The following IQSEC3 variants were observed in gnomAD, a reference collection of about 807,000 sequenced individuals.
The protein encoded by IQSEC3 is IQ motif and SEC7 domain-containing protein 3.
Under a neutral mutation model 105.4 loss-of-function variants are expected in IQSEC3, and 50 were observed. The observed-to-expected ratio is 0.47, with a 90% CI of 0.38 to 0.60. The LOEUF (loss-of-function observed/expected upper bound fraction) is 0.60. Ranked by LOEUF, IQSEC3 falls within the 20% of genes least tolerant of loss-of-function variation. IQSEC3 has a pLI of 0.00. For synonymous variants in IQSEC3, 708 were observed against 746.0 expected, an observed-to-expected ratio of 0.95 and a Z score of 0.83; for missense variants, 1,415 against 1,630.0, an observed-to-expected ratio of 0.87 and a Z score of 2.27.
intron 3 of IQSEC3, 69 bp downstream of exon 3, chr12:125,981 A>G: frequency 1.4e-6 from 2 of 1,433,136 alleles, no homozygotes; most frequent in Admixed American, 2.2e-5. Flanking sequence ...TGTCGAGGGT[A>G]CCAGGGATAT....
intron 7 of IQSEC3, among the ~76,000 whole-genome samples, chr12:159,218 C>A (rs1555095458): frequency 6.6e-6 from 1 of 152,200 alleles, no homozygotes; most frequent in East Asian, 1.9e-4. Context: ...ATTCAGCCCC[C>A]ACTTCCCACC....
At chr12:141,574 C>G (rs942670653) in intron 5 of IQSEC3, 9 of 374,464 alleles carry the variant, frequency 2.4e-5, no homozygotes, top group Middle Eastern at 1.4e-3. Flanking sequence ...CTGTCACTCT[C>G]CAGGGCAAGA....
chr12:113,320 G>C (rs781901373), intron 2 of IQSEC3, among the ~76,000 whole-genome samples: 20 of 152,226 alleles, frequency 1.3e-4, no homozygotes, highest in Non-Finnish European at 2.8e-4. Context: ...AGAAGGGCAA[G>C]AATCACTGTG....
intron 3 of IQSEC3, among the ~76,000 whole-genome samples, chr12:129,481 T>C (rs1865520415): frequency 1.3e-5 from 2 of 152,068 alleles, no homozygotes; most frequent in South Asian, 4.1e-4. Context: ...ACGGTCCTCC[T>C]GCCAGCTCTT....
intron 3 of IQSEC3, among the ~76,000 whole-genome samples, chr12:132,106 C>G (rs926778545): frequency 5.9e-5 from 9 of 152,126 alleles, no homozygotes; most frequent in Non-Finnish European, 1.2e-4. Flanking sequence ...GAGACCCCGT[C>G]TGTTCGGGGC....
intron 11 of IQSEC3, among the ~76,000 whole-genome samples, chr12:168,656 C>T (rs1212467740): frequency 3.3e-5 from 5 of 152,150 alleles, no homozygotes; most frequent in Admixed American, 6.5e-5. Flanking sequence ...GCCTGGCTGT[C>T]CTCTCGAGTG....
At chr12:105,168 C>A (rs1319830929) in intron 2 of IQSEC3, among the ~76,000 whole-genome samples, 1 of 152,258 alleles carries the variant, frequency 6.6e-6, no homozygotes, top group African/African-American at 2.4e-5. Context: ...CTCTGCCTCC[C>A]GCCCCAGGAA....
chr12:141,192 C>T lies in IQSEC3; in HGVS notation c.2060C>T (p.Ala687Val). The T allele has an allele frequency of 6.2e-7, 1 of 1,613,404 alleles. No individual in the cohort carries two copies. ...GFIPDTPIGV[A>V]HFLLQRKGLS... ...ATCCCGGACACCCCCATCGGTGTGG[C>T]CCATTTCCTCCTCCAGCGAAAGGGC... Residue 687 changes from alanine to valine, a missense_variant, in exon 5 of 14, where the codon GCC (alanine) becomes GTC (valine). Coordinates refer to ENST00000538872, the MANE Select transcript of IQSEC3 (RefSeq NM_001170738.2).
At chr12:171,991 CCT>C (rs1263971784) in intron 13 of IQSEC3, among the ~76,000 whole-genome samples, 1 of 152,096 alleles carries the variant, frequency 6.6e-6, no homozygotes, top group African/African-American at 2.4e-5. Context: ...GAGCCCCACC[CCT>C]CTCCCACTGG....
chr12:175,114 T>A lies in IQSEC3; in HGVS notation c.*81T>A. 9.3e-7 allele frequency: 1 copy of A among 1,070,374 alleles called. No individual in the cohort carries two copies. Among genetic ancestry groups the A allele is most frequent in the Non-Finnish European group, 1.3e-6 (1 of 767,272 alleles). 66.3% of individuals were successfully genotyped at this position (1,070,374 alleles called of 1,614,324 possible). ...TGCCCCTCCACTGCTCCCCATACCC[T>A]GGCACGATGCGTTCCTGGTCACTGA... On this transcript the variant is annotated 3_prime_UTR_variant, in exon 14 of 14. Coordinates refer to ENST00000538872, the MANE Select transcript of IQSEC3 (RefSeq NM_001170738.2).
intron 1 of IQSEC3, among the ~76,000 whole-genome samples, chr12:91,676 G>T (rs1287186585): frequency 6.6e-6 from 1 of 152,198 alleles, no homozygotes; most frequent in Non-Finnish European, 1.5e-5. Context: ...CTACTTGGGA[G>T]CATTGCTTGA....
intron 5 of IQSEC3, among the ~76,000 whole-genome samples, chr12:147,407 T>C (rs1386875854): frequency 1.3e-5 from 2 of 152,166 alleles, no homozygotes; most frequent in Non-Finnish European, 2.9e-5. Flanking sequence ...TGCTAATCTG[T>C]ACCCAATGAA....
intron 2 of IQSEC3, among the ~76,000 whole-genome samples, 161 bp from the exon 3 acceptor site, chr12:125,472 C>T (rs1477592706): frequency 6.6e-6 from 1 of 152,158 alleles, no homozygotes. Flanking sequence ...TCATCCCTGC[C>T]ATGGTAGCCC....
Position 163,487 on chromosome 12 carries a change from C to T in IQSEC3, c.2584-7C>T, listed in dbSNP as rs369141399. ...TCTCTCCCGCTGAGCGCCCTGCCCG[C>T]GTGCAGGTGCTGTCCGTGCCCCACC... On this transcript the variant is annotated splice_region_variant and splice_polypyrimidine_tract_variant and intron_variant, in intron 8 of 13. Coordinates refer to ENST00000538872, the MANE Select transcript of IQSEC3 (RefSeq NM_001170738.2). 3.8e-6 allele frequency: 6 copies of T among 1,598,228 alleles called. No individual in the cohort carries two copies. Among genetic ancestry groups the T allele is most frequent in the Admixed American group, 1.7e-5 (1 of 59,462 alleles).
chr12:138,953 C>G lies in IQSEC3; in HGVS notation c.1590C>G (p.Gly530=). 6.4e-7 allele frequency: 1 copy of G among 1,571,462 alleles called. No individual in the cohort carries two copies. The highest frequency in any genetic ancestry group is 1.1e-5 in the South Asian group (1 of 87,042). Residue 530 remains glycine (G), a synonymous_variant, in exon 4 of 14, where the codon GGC becomes GGG. Coordinates refer to ENST00000538872, the MANE Select transcript of IQSEC3 (RefSeq NM_001170738.2). This position sits in a 1 kb window ranked among gnomAD's most constrained non-coding sequence, Gnocchi z 7.1. Reference sequence around the variant, plus strand: ...CCGCGGCGGGCAAGGCCGAGCAGGGCGAGACCTCTGGGCGGGAGGCCCCGG... The same window carrying G: ...CCGCGGCGGGCAAGGCCGAGCAGGGGGAGACCTCTGGGCGGGAGGCCCCGG... ...AEPAAGKAEQ[G]ETSGREAPEA... is the part of the protein sequence containing the mutation.
rs12319779 is a variant in IQSEC3, at chr12:131,465, C to T, written c.903+5553C>T. Reference sequence around the variant, plus strand: ...TGTCATGGATGGAGCTGACCTGGGCCATTACTGAGTCCCCAGGTCCTGCCA... The same window carrying T: ...TGTCATGGATGGAGCTGACCTGGGCTATTACTGAGTCCCCAGGTCCTGCCA... On this transcript the variant is annotated intron_variant, in intron 3 of 13. Transcript: ENST00000538872. Among the ~76,000 whole-genome samples the T allele has an allele frequency of 6.2e-3, 948 of 152,284 alleles. 11 individuals carry two copies. The highest frequency in any genetic ancestry group is 0.021 in the African/African-American group (871 of 41,562).
chr12:165,027 G>A (rs1264474756), intron 9 of IQSEC3, among the ~76,000 whole-genome samples: 1 of 152,244 alleles, frequency 6.6e-6, no homozygotes, highest in Non-Finnish European at 1.5e-5. Context: ...CTTAAGTAAT[G>A]AGAGTAATGC....
rs781955337 is a variant in IQSEC3 at position 163,478 on chromosome 12, C to T, written c.2584-16C>T. 28 of 1,593,488 alleles carry T rather than the reference C, an allele frequency of 1.8e-5. No individual in the cohort carries two copies. The highest frequency in any genetic ancestry group is 1.7e-4 in the Admixed American group (10 of 59,244). ...GGCCTCTGGTCTCTCCCGCTGAGCG[C>T]CCTGCCCGCGTGCAGGTGCTGTCCG... On this transcript the variant is annotated splice_polypyrimidine_tract_variant and intron_variant, in intron 8 of 13. Transcript: ENST00000538872.
intron 8 of IQSEC3, among the ~76,000 whole-genome samples, chr12:163,091 G>C (rs1329687428): frequency 6.6e-6 from 1 of 151,966 alleles, no homozygotes; most frequent in African/African-American, 2.4e-5. Flanking sequence ...CTCAGACGAG[G>C]AGAGAGAAGG....
Sources: allele counts gnomAD v4.1 joint callset (sites outside exome capture counted in the v4.1 genomes callset), GRCh38; gene constraint gnomAD v4.1.1; non-coding constraint Gnocchi (gnomAD v3.1); transcripts MANE v1.5; gene names NCBI Gene and HGNC (gene_info 2026-07-23, HGNC 2026-07-21).